The following GPBP1 variants were observed in gnomAD, a reference collection of about 807,000 sequenced individuals.
GPBP1 encodes the protein GC-rich promoter binding protein 1.
Under a neutral mutation model 56.5 loss-of-function variants are expected in GPBP1, and 13 were observed. The ratio of observed to expected loss-of-function variants is 0.23; its 90% CI spans 0.15 to 0.37. GPBP1 has a LOEUF of 0.37. Ranked by LOEUF, GPBP1 falls within the 10% of genes least tolerant of loss-of-function variation. The pLI, the probability that GPBP1 is intolerant of heterozygous loss-of-function variation, is 1.00. For synonymous variants in GPBP1, 204 were observed against 188.9 expected, an observed-to-expected ratio of 1.08 and a Z score of -0.66; for missense variants, 477 against 572.3, an observed-to-expected ratio of 0.83 and a Z score of 1.70.
At chr5:57,208,607 G>GTT (rs905431822) in intron 2 of GPBP1, among the ~76,000 whole-genome samples, 31 of 150,348 alleles carry the variant, frequency 2.1e-4, no homozygotes, top group African/African-American at 6.6e-4. Flanking sequence ...TCTTAACAGT[G>GTT]TTGAGTTTCC....
intron 3 of GPBP1, among the ~76,000 whole-genome samples, chr5:57,217,315 A>C (rs1170403856): frequency 6.6e-6 from 1 of 152,064 alleles, no homozygotes; most frequent in African/African-American, 2.4e-5. Flanking sequence ...GCTCACGCCT[A>C]TAATCCCAGC....
intron 3 of GPBP1, among the ~76,000 whole-genome samples, chr5:57,219,669 T>G (rs960188696): frequency 6.6e-6 from 1 of 152,128 alleles, no homozygotes; most frequent in Non-Finnish European, 1.5e-5. Flanking sequence ...GGTTTCCTGC[T>G]TTCCTCTTTT....
intron 7 of GPBP1, 46 bp downstream of exon 7, chr5:57,246,530 A>G (rs1344386663): frequency 6.8e-7 from 1 of 1,464,432 alleles, no homozygotes; most frequent in Non-Finnish European, 9.4e-7. Context: ...TTGATAACCA[A>G]TTTATGTCCT....
chr5:57,252,379 C>T (rs1741438282), intron 10 of GPBP1, among the ~76,000 whole-genome samples: 2 of 152,032 alleles, frequency 1.3e-5, no homozygotes, highest in Non-Finnish European at 2.9e-5. Context: ...ACGTGGACAG[C>T]GAATTGTCCC....
At chr5:57,200,021 C>CTTTTTTTTTTTTTTTTTTTTTTTTTTTTT in intron 2 of GPBP1, among the ~76,000 whole-genome samples, 1 of 58,886 alleles carries the variant, frequency 1.7e-5, no homozygotes, top group Non-Finnish European at 2.8e-5. Context: ...ACTTGAAAAT[C>CTTTTTTTTTTTTTTTTTTTTTTTTTTTTT]TTTTTTTTTT....
intron 2 of GPBP1, among the ~76,000 whole-genome samples, chr5:57,181,701 G>A (rs1579969236): frequency 1.3e-5 from 2 of 152,002 alleles, no homozygotes; most frequent in South Asian, 2.1e-4. Flanking sequence ...GGAATTACAG[G>A]TGTGAGCCAC....
rs148891978 is a variant in GPBP1 at position 57,194,604 on chromosome 5, A to G, written c.-58+18204A>G. Reference sequence around the variant, plus strand: ...TGTAGTTGCCCTGTTGTGCTACCAAATACTAGATCTTATTCCTTCTATTTT... The same window carrying G: ...TGTAGTTGCCCTGTTGTGCTACCAAGTACTAGATCTTATTCCTTCTATTTT... On this transcript the variant is annotated intron_variant, in intron 2 of 11. Transcript: ENST00000506184. Among the ~76,000 whole-genome samples, 13 of 152,174 alleles carry G rather than the reference A, an allele frequency of 8.5e-5. No homozygotes were observed. In the East Asian group the frequency reaches 2.3e-3, roughly 27 times the overall value.
chr5:57,230,214 A>T (rs1181384630), intron 3 of GPBP1, among the ~76,000 whole-genome samples: 1 of 152,038 alleles, frequency 6.6e-6, no homozygotes, highest in African/African-American at 2.4e-5. Flanking sequence ...TTACAGGTGT[A>T]AGCCACCGCG....
chr5:57,175,218 G>A (rs1025188061), intron 1 of GPBP1, among the ~76,000 whole-genome samples: 1 of 152,100 alleles, frequency 6.6e-6, no homozygotes, highest in Non-Finnish European at 1.5e-5. Flanking sequence ...ATCTGCCCTT[G>A]CCCTCCATAA....
intron 6 of GPBP1, among the ~76,000 whole-genome samples, chr5:57,242,392 T>C (rs537650864): frequency 6.6e-6 from 1 of 152,360 alleles, no homozygotes; most frequent in East Asian, 1.9e-4. Flanking sequence ...AGAGATTAAG[T>C]AACTTATATA....
intron 8 of GPBP1, 164 bp from the exon 9 acceptor site, chr5:57,249,245 C>A: frequency 2.0e-6 from 1 of 491,896 alleles, no homozygotes. Flanking sequence ...TTGACTCATT[C>A]AGTAGGGGAA....
chr5:57,219,375 CAA>C (rs869152603), intron 3 of GPBP1, among the ~76,000 whole-genome samples: 10,091 of 34,518 alleles, frequency 0.29, 1,412 homozygotes, highest in East Asian at 0.69. Context: ...GACTCTGTCT[CAA>C]AAAAAAAAAA....
intron 10 of GPBP1, among the ~76,000 whole-genome samples, chr5:57,253,778 CAAAA>C (rs895171329): frequency 6.8e-6 from 1 of 147,506 alleles, no homozygotes; most frequent in Non-Finnish European, 1.5e-5. Context: ...CCCTTAAAAA[CAAAA>C]AACAAAAAAA....
intron 2 of GPBP1, among the ~76,000 whole-genome samples, chr5:57,177,900 C>G (rs1753864147): frequency 6.6e-6 from 1 of 151,832 alleles, no homozygotes; most frequent in Admixed American, 6.6e-5. Flanking sequence ...ACTGTTGAAT[C>G]CTGCTAGCTC....
At chr5:57,217,016 C>T (rs1755726169) in intron 3 of GPBP1, among the ~76,000 whole-genome samples, 1 of 152,072 alleles carries the variant, frequency 6.6e-6, no homozygotes, top group African/African-American at 2.4e-5. Context: ...TTTACAGGTA[C>T]ATTTACAGAC....
rs1236782223 is a variant in GPBP1 at position 57,264,110 on chromosome 5, A to G, written c.*1358A>G. On this transcript the variant is annotated 3_prime_UTR_variant, in exon 12 of 12. Coordinates refer to ENST00000506184, the MANE Select transcript of GPBP1 (RefSeq NM_022913.4). ...TCCCCAGTTTTCACCAGAAACTGTT[A>G]TTTTTTTTTGTTGTTGTTCCCACTG... The G allele has an allele frequency of 1.3e-5, 2 of 151,250 alleles. No individual in the cohort carries two copies. Among genetic ancestry groups the G allele is most frequent in the East Asian group, 3.9e-4 (2 of 5,182 alleles). 9.4% of individuals were successfully genotyped at this position (151,250 alleles called of 1,614,324 possible). A position where few individuals can be genotyped will look rare whatever the true frequency, so the allele number is the denominator to read the frequency against.
intron 8 of GPBP1, chr5:57,249,022 T>G (rs1741235602): frequency 6.4e-6 from 1 of 155,180 alleles, no homozygotes; most frequent in Non-Finnish European, 1.4e-5. Flanking sequence ...ACCCTATGTA[T>G]GTGTATAAAT....
intron 2 of GPBP1, among the ~76,000 whole-genome samples, chr5:57,188,896 A>G (rs899262408): frequency 6.6e-6 from 1 of 152,158 alleles, no homozygotes; most frequent in Non-Finnish European, 1.5e-5. Context: ...CATCTAATCC[A>G]TTAGCAAATT....
At chr5:57,204,750 G>A (rs1205507869) in intron 2 of GPBP1, among the ~76,000 whole-genome samples, 1 of 152,062 alleles carries the variant, frequency 6.6e-6, no homozygotes, top group Non-Finnish European at 1.5e-5. Flanking sequence ...TACTGATGTT[G>A]TTCACTTTAA....
Sources: gnomAD v4.1 joint callset for allele counts (sites outside exome capture counted in the v4.1 genomes callset) on GRCh38, gnomAD v4.1.1 for gene constraint, MANE v1.5 for transcripts, NCBI Gene and HGNC (gene_info 2026-07-23, HGNC 2026-07-21) for gene names.